MGAT5: variants seen among roughly 807,000 people sequenced by gnomAD.
MGAT5 encodes the protein alpha-1,6-mannosylglycoprotein 6-beta-N-acetylglucosaminyltransferase A.
A neutral mutation model predicts 94.3 loss-of-function variants in MGAT5; 30 were observed. That is an observed-to-expected ratio of 0.32 (90% CI 0.24 to 0.43). The LOEUF (loss-of-function observed/expected upper bound fraction) is 0.43. Among genes scored for constraint, MGAT5 ranks in the 20% least tolerant of loss-of-function variants. MGAT5 has a pLI of 1.00. For missense variants in MGAT5, 691 were observed against 905.5 expected, an observed-to-expected ratio of 0.76 and a Z score of 3.04; for synonymous variants, 310 against 322.9, an observed-to-expected ratio of 0.96 and a Z score of 0.43.
intron 2 of MGAT5, among the ~76,000 whole-genome samples, chr2:134,298,144 G>A (rs1685793214): frequency 6.6e-6 from 1 of 152,102 alleles, no homozygotes; most frequent in Non-Finnish European, 1.5e-5. Flanking sequence ...CTCCCAGGCT[G>A]GAGTGCAATA....
chr2:134,245,082 G>A (rs535988675), intron 1 of MGAT5, among the ~76,000 whole-genome samples: 121 of 152,216 alleles, frequency 7.9e-4, no homozygotes, highest in African/African-American at 2.8e-3. Flanking sequence ...GCGCGATCTC[G>A]GCTCACTGCA....
chr2:134,448,809 A>C lies in MGAT5; in HGVS notation c.2188A>C (p.Ile730Leu). 6.2e-7 allele frequency: 1 copy of C among 1,613,940 alleles called. No homozygotes were observed. Among genetic ancestry groups the C allele is most frequent in the Non-Finnish European group, 8.5e-7 (1 of 1,179,992 alleles). The change falls in exon 16 of 16, where the codon ATC becomes CTC. Residue 730 changes from isoleucine to leucine, a missense_variant. Physicochemically the swap from Ile to Leu is conservative, Grantham distance 5 (BLOSUM62 2). Around this residue, in one of 4 missense-constraint regions of MGAT5, gnomAD observed 260 missense variants for 347.0 expected, o/e 0.75. Transcript: ENST00000281923. ...GAGGGTCTGCCCCTGCCGGGACTTC[A>C]TCAAGGGCCAGGTGGCTCTCTGCAA... is the stretch of plus-strand genomic sequence containing the variant. ...HQRVCPCRDF[I>L]KGQVALCKDC... is the part of the protein sequence containing the mutation.
chr2:134,179,203 T>C (rs916192280), intron 1 of MGAT5, among the ~76,000 whole-genome samples: 7 of 152,076 alleles, frequency 4.6e-5, no homozygotes, highest in African/African-American at 1.7e-4. Flanking sequence ...GTGATTTTAC[T>C]GCTTAAAATG....
intron 1 of MGAT5, among the ~76,000 whole-genome samples, chr2:134,164,363 A>T (rs1183586814): frequency 6.6e-6 from 1 of 152,194 alleles, no homozygotes; most frequent in Non-Finnish European, 1.5e-5. Flanking sequence ...TTGGTTTCCT[A>T]GCATTGTCCT....
chr2:134,388,696 C>T lies in MGAT5; in HGVS notation c.1381-14292C>T, dbSNP rs1174330717. 2.1e-5 allele frequency among the ~76,000 whole-genome samples: 3 copies of T among 144,136 alleles called. No individual in the cohort carries two copies. The East Asian group carries it at 6.0e-4, about 29-fold the overall frequency. 94.6% of individuals were successfully genotyped at this position (144,136 alleles called of 152,430 possible). On this transcript the variant is annotated intron_variant, in intron 10 of 15. Coordinates refer to ENST00000281923, the MANE Select transcript of MGAT5 (RefSeq NM_002410.5). ...TTACTAATTGCATACCTGTGGTCTT[C>T]CTCCAGTATATTTTCTGAAGTTGGT...
intron 2 of MGAT5, among the ~76,000 whole-genome samples, chr2:134,286,294 T>G (rs780866344): frequency 3.3e-5 from 5 of 152,192 alleles, no homozygotes; most frequent in Non-Finnish European, 7.4e-5. Context: ...GTAGGACTGT[T>G]TCCAAAGCCC....
chr2:134,186,989 A>C (rs1689073747), intron 1 of MGAT5, among the ~76,000 whole-genome samples: 1 of 152,184 alleles, frequency 6.6e-6, no homozygotes. Context: ...GTTTGAGCAG[A>C]GTGCCAAGGC....
chr2:134,144,275 G>A (rs1686801838), intron 1 of MGAT5, among the ~76,000 whole-genome samples: 1 of 152,164 alleles, frequency 6.6e-6, no homozygotes, highest in African/African-American at 2.4e-5. Context: ...TCGGCTTCTG[G>A]GGAGGTACAA....
chr2:134,331,047 T>A (rs528547072), intron 4 of MGAT5, among the ~76,000 whole-genome samples: 1 of 152,262 alleles, frequency 6.6e-6, no homozygotes, highest in African/African-American at 2.4e-5. Context: ...CTTATGTATC[T>A]GCCAGCAACT....
In MGAT5 at chr2:134,449,167, A is replaced by C. The variant is rs1448219862; in HGVS notation, c.*320A>C. On this transcript the variant is annotated 3_prime_UTR_variant, in exon 16 of 16. Coordinates refer to ENST00000281923, the MANE Select transcript of MGAT5 (RefSeq NM_002410.5). ...AAAAGAAAGTCTCAAGAGTCCTTTA[A>C]AACAAAACAGGAGGAATTGAGCTGA... 2.8e-6 allele frequency: 1 copy of C among 353,864 alleles called. No homozygotes were observed. Among genetic ancestry groups the C allele is most frequent in the Non-Finnish European group, 5.3e-6 (1 of 189,568 alleles). 21.9% of individuals were successfully genotyped at this position (353,864 alleles called of 1,614,324 possible).
At chr2:134,384,672 A>T (rs1464044800) in intron 10 of MGAT5, among the ~76,000 whole-genome samples, 2 of 152,218 alleles carry the variant, frequency 1.3e-5, no homozygotes, top group African/African-American at 4.8e-5. Context: ...CTATATCATG[A>T]TATCTGCATT....
intron 2 of MGAT5, among the ~76,000 whole-genome samples, chr2:134,313,040 A>T (rs1304915342): frequency 6.2e-4 from 1 of 1,614 alleles, no homozygotes; most frequent in Non-Finnish European, 5.8e-3. Context: ...AGAAATAAAC[A>T]CACACACACA....
At chr2:134,353,968 G>C (rs559971918) in intron 9 of MGAT5, among the ~76,000 whole-genome samples, 16 of 152,220 alleles carry the variant, frequency 1.1e-4, no homozygotes, top group African/African-American at 3.9e-4. Context: ...CTTGCAAGAG[G>C]GTCCCTTTCT....
chr2:134,453,978 G>C lies in MGAT5; in HGVS notation c.*5131G>C, dbSNP rs34497810. ...GAATTTGCTGGAGTTTGGTGACTTC[G>C]TCAAATTCCTTTGGATTCTGTTCCG... On this transcript the variant is annotated 3_prime_UTR_variant, in exon 16 of 16. Transcript: ENST00000281923. 12,135 of 152,222 alleles carry C rather than the reference G, an allele frequency of 0.08. 567 individuals are homozygous for C. The highest frequency in any genetic ancestry group is 0.19 in the East Asian group (960 of 5,170). The allele number at this position is 152,222 out of a possible 1,614,324, so 9.4% of individuals were successfully genotyped here. A position where few individuals can be genotyped will look rare whatever the true frequency, so the allele number is the denominator to read the frequency against.
chr2:134,252,970 A>G (rs1682708411), upstream of MGAT5: 1 of 152,222 alleles, frequency 6.6e-6, no homozygotes, highest in African/African-American at 2.4e-5. Context: ...AACAGAGACG[A>G]TAATATTCAT....
At chr2:134,191,918 G>A (rs1157853859) in intron 1 of MGAT5, among the ~76,000 whole-genome samples, 1 of 142,768 alleles carries the variant, frequency 7.0e-6, no homozygotes, top group Non-Finnish European at 1.5e-5. Flanking sequence ...TCACGCCAGC[G>A]GCTTCCTGAT....
At position 134,333,809 on chromosome 2, in the gene MGAT5, T is replaced by G. The variant is rs183069911; in HGVS notation, c.574-2408T>G. ...AAATGTTGCTCATTTGAGAGCTGTT[T>G]GTTTCAGTACTTGGAGTTATTGCCA... On this transcript the variant is annotated intron_variant, in intron 4 of 15. Coordinates refer to ENST00000281923, the MANE Select transcript of MGAT5 (RefSeq NM_002410.5). Among the ~76,000 whole-genome samples, 459 of 152,316 alleles carry G rather than the reference T, an allele frequency of 3.0e-3. 2 individuals carry two copies. The highest frequency in any genetic ancestry group is 4.4e-3 in the Non-Finnish European group (297 of 68,020).
Position 134,409,186 on chromosome 2 carries a change from T to C in MGAT5, c.1531-3683T>C, listed in dbSNP as rs148465339. Among the ~76,000 whole-genome samples the C allele has an allele frequency of 7.2e-4, 109 of 152,322 alleles. 1 individual carries two copies. Among genetic ancestry groups the C allele is most frequent in the African/African-American group, 2.5e-3 (103 of 41,570 alleles). On this transcript the variant is annotated intron_variant, in intron 11 of 15. Coordinates refer to ENST00000281923, the MANE Select transcript of MGAT5 (RefSeq NM_002410.5). ...GGATTTGAACTTGAGTGACTGATTA[T>C]CCAGCACTTACTAAGTGCCAAGACT...
At chr2:134,164,146 A>G (rs1687861236) in intron 1 of MGAT5, among the ~76,000 whole-genome samples, 1 of 152,180 alleles carries the variant, frequency 6.6e-6, no homozygotes. Flanking sequence ...CCTTCCCCAA[A>G]TTGGAGCTAC....
Sources: gnomAD v4.1 joint callset for allele counts (sites outside exome capture counted in the v4.1 genomes callset) on GRCh38, gnomAD v4.1.1 for gene constraint, gnomAD v4.1.1 regional missense constraint, MANE v1.5 for transcripts, NCBI Gene and HGNC (gene_info 2026-07-23, HGNC 2026-07-21) for gene names.